The following SDK1 variants were observed in gnomAD, a reference collection of about 807,000 sequenced individuals.
SDK1 encodes the protein protein sidekick-1.
A neutral mutation model predicts 245.5 loss-of-function variants in SDK1; 157 were observed. The observed-to-expected ratio is 0.64, with a 90% confidence interval of 0.56 to 0.73. SDK1 has a LOEUF of 0.73. Among genes scored for constraint, SDK1 ranks in the 30% least tolerant of loss-of-function variants. SDK1 has a pLI of 0.00. For synonymous variants in SDK1, 1,647 were observed against 1,278.5 expected, an observed-to-expected ratio of 1.29 and a Z score of -6.15; for missense variants, 3,583 against 3,002.3, an observed-to-expected ratio of 1.19 and a Z score of -4.52.
intron 1 of SDK1, among the ~76,000 whole-genome samples, chr7:3,437,255 A>G (rs976397841): frequency 6.6e-6 from 1 of 152,090 alleles, no homozygotes; most frequent in Non-Finnish European, 1.5e-5. Flanking sequence ...TTTTTCTCTT[A>G]AAAAGTCTTA....
At chr7:3,739,583 T>A (rs1420742544) in intron 4 of SDK1, among the ~76,000 whole-genome samples, 1 of 152,210 alleles carries the variant, frequency 6.6e-6, no homozygotes, top group East Asian at 1.9e-4. Context: ...TCCAGTGAAT[T>A]TATTTGTTAT....
intron 14 of SDK1, among the ~76,000 whole-genome samples, chr7:3,989,294 C>G (rs552157859): frequency 6.6e-6 from 1 of 152,134 alleles, no homozygotes; most frequent in East Asian, 1.9e-4. Flanking sequence ...AGGAAAACTC[C>G]CCTTGTACTA....
intron 4 of SDK1, among the ~76,000 whole-genome samples, chr7:3,772,106 C>G (rs1343681281): frequency 2.6e-5 from 4 of 152,148 alleles, no homozygotes; most frequent in Non-Finnish European, 5.9e-5. Context: ...CTTTTTATGG[C>G]TGACTGATAA....
chr7:4,090,197 C>T (rs760497119), intron 22 of SDK1, among the ~76,000 whole-genome samples: 3 of 152,164 alleles, frequency 2.0e-5, no homozygotes, highest in Non-Finnish European at 2.9e-5. Context: ...CACTTCTGCA[C>T]CACCCACTTT....
chr7:3,801,058 C>A (rs78141748), intron 4 of SDK1, among the ~76,000 whole-genome samples: 5,221 of 152,294 alleles, frequency 0.034, 145 homozygotes, highest in Middle Eastern at 0.058. Flanking sequence ...CTTTCATTTT[C>A]CTAGTATATT....
intron 1 of SDK1, among the ~76,000 whole-genome samples, chr7:3,608,635 T>C (rs567259154): frequency 6.6e-6 from 1 of 152,318 alleles, no homozygotes; most frequent in South Asian, 2.1e-4. Context: ...ATTTTTTACA[T>C]TGTATAATGA....
At chr7:3,350,583 G>A (rs1186489378) in intron 1 of SDK1, among the ~76,000 whole-genome samples, 1 of 152,082 alleles carries the variant, frequency 6.6e-6, no homozygotes, top group Non-Finnish European at 1.5e-5. Flanking sequence ...TTTGCCCTGA[G>A]GCATTTTTCC....
At chr7:3,838,456 T>C (rs1258636271) in intron 5 of SDK1, among the ~76,000 whole-genome samples, 1 of 152,194 alleles carries the variant, frequency 6.6e-6, no homozygotes, top group Non-Finnish European at 1.5e-5. Flanking sequence ...AGCTGAGGCA[T>C]TGGGAAGAGG....
intron 5 of SDK1, among the ~76,000 whole-genome samples, chr7:3,871,350 C>T (rs12690804): frequency 0.21 from 32,315 of 152,148 alleles, 3,724 homozygotes; most frequent in African/African-American, 0.29. Context: ...TAGACAATCA[C>T]TTCATCTGTG....
intron 5 of SDK1, among the ~76,000 whole-genome samples, chr7:3,914,528 C>A (rs1173839399): frequency 6.6e-6 from 1 of 152,190 alleles, no homozygotes; most frequent in Non-Finnish European, 1.5e-5. Context: ...AGTTGCTGCA[C>A]AAACATGGTC....
At chr7:3,880,778 T>G (rs913969048) in intron 5 of SDK1, among the ~76,000 whole-genome samples, 1 of 152,084 alleles carries the variant, frequency 6.6e-6, no homozygotes, top group African/African-American at 2.4e-5. Flanking sequence ...TTCCCGGGCC[T>G]CCAGAGGCTG....
chr7:3,531,959 T>C (rs1015208873), intron 1 of SDK1, among the ~76,000 whole-genome samples: 26 of 152,376 alleles, frequency 1.7e-4, no homozygotes, highest in African/African-American at 6.0e-4. Flanking sequence ...ATCTGGTCAT[T>C]TTCCAGAATA....
intron 40 of SDK1, chr7:4,232,973 G>T (rs2128235837): frequency 3.2e-6 from 1 of 308,936 alleles, no homozygotes; most frequent in Non-Finnish European, 6.0e-6. Flanking sequence ...TTTACTGTGG[G>T]GAGATATGCA....
chr7:3,908,662 G>C (rs1779046321), intron 5 of SDK1, among the ~76,000 whole-genome samples: 1 of 151,940 alleles, frequency 6.6e-6, no homozygotes, highest in African/African-American at 2.4e-5. Flanking sequence ...CCTGATAATT[G>C]TCTTTTCCTC....
At chr7:3,786,266 C>T (rs2115017719) in intron 4 of SDK1, among the ~76,000 whole-genome samples, 1 of 152,260 alleles carries the variant, frequency 6.6e-6, no homozygotes, top group Admixed American at 6.5e-5. Flanking sequence ...TATTATCTTC[C>T]TGCATAATAA....
intron 5 of SDK1, among the ~76,000 whole-genome samples, chr7:3,848,880 C>G (rs1780347779): frequency 6.6e-6 from 1 of 152,142 alleles, no homozygotes; most frequent in African/African-American, 2.4e-5. Flanking sequence ...CCATGTTGAC[C>G]AGGCTGGTCT....
At chr7:3,910,549 C>T (rs980709551) in intron 5 of SDK1, among the ~76,000 whole-genome samples, 1 of 152,164 alleles carries the variant, frequency 6.6e-6, no homozygotes, top group African/African-American at 2.4e-5. Flanking sequence ...CGGTTACCTT[C>T]GGCGCTACCA....
At chr7:3,476,897 T>C (rs1169686798) in intron 1 of SDK1, among the ~76,000 whole-genome samples, 1 of 151,998 alleles carries the variant, frequency 6.6e-6, no homozygotes, top group Non-Finnish European at 1.5e-5. Context: ...TGGCAGTAAG[T>C]GGGGAAAGAG....
intron 1 of SDK1, among the ~76,000 whole-genome samples, chr7:3,482,465 A>T (rs749380337): frequency 1.4e-4 from 21 of 152,214 alleles, no homozygotes; most frequent in Admixed American, 4.6e-4. Flanking sequence ...TTATTGCTGA[A>T]TAAATCTGGA....
Sources: allele counts gnomAD v4.1 joint callset (sites outside exome capture counted in the v4.1 genomes callset), GRCh38; gene constraint gnomAD v4.1.1; transcripts MANE v1.5; gene names NCBI Gene and HGNC (gene_info 2026-07-23, HGNC 2026-07-21).